The following CC2D2B variants were observed in gnomAD, a reference collection of about 807,000 sequenced individuals.
CC2D2B encodes the protein coiled-coil and C2 domain containing 2B.
CC2D2B carries 128 observed loss-of-function variants against 161.2 expected under a neutral mutation model. The ratio of observed to expected loss-of-function variants is 0.79; its 90% confidence interval spans 0.69 to 0.92. CC2D2B has a LOEUF of 0.92. CC2D2B is among the 40% of genes least tolerant of loss of function. The pLI is 0.00. For missense variants in CC2D2B, 1,173 were observed against 1,375.1 expected (o/e 0.85, Z 2.32); for synonymous variants, 391 against 449.8 (o/e 0.87, Z 1.65).
chr10:95,937,615 GGGAAAAAAA>G (rs1372288759), intron 6 of CC2D2B, among the ~76,000 whole-genome samples: 4 of 151,326 alleles, frequency 2.6e-5, no homozygotes, highest in Admixed American at 6.6e-5. Flanking sequence ...CTGAATGATG[GGGAAAAAAA>G]GGATTTAGGG....
At position 96,019,249 on chromosome 10, in the gene CC2D2B, T is replaced by C; in HGVS notation, c.3677T>C (p.Leu1226Pro). 1 of 1,613,068 alleles carries C rather than the reference T, an allele frequency of 6.2e-7. No homozygotes were observed. Among genetic ancestry groups the C allele is most frequent in the East Asian group, 2.2e-5 (1 of 44,860 alleles). ...ACTCAAGAAACTAATGAATATTTGC[T>C]TTGGAATCCATCAACTGGCCAATGT... ...VVTQETNEYL[L>P]WNPSTGQCYK... The change falls in exon 31 of 35, where the codon CTT (leucine) becomes CCT (proline). Residue 1226 changes from leucine to proline, a missense_variant. Leu to Pro is a moderately conservative substitution (Grantham distance 98). This residue lies in a region of CC2D2B where 598 missense variants were observed against 693.2 expected (regional missense o/e 0.86). Transcript: ENST00000646931.
chr10:96,031,682 A>T, intron 34 of CC2D2B, 138 bp from the exon 35 acceptor site: 1 of 738,698 alleles, frequency 1.4e-6, no homozygotes. Context: ...CCTAGAACAT[A>T]ATTTGGCACC....
At chr10:95,921,930 G>A in intron 2 of CC2D2B, 86 bp from the exon 3 acceptor site, 4 of 732,974 alleles carry the variant, frequency 5.5e-6, no homozygotes, top group Non-Finnish European at 8.8e-6. Flanking sequence ...ATGTACCCTA[G>A]GACTTAAAGT....
intron 34 of CC2D2B, among the ~76,000 whole-genome samples, chr10:96,029,280 A>C (rs1328020723): frequency 3.9e-5 from 2 of 50,944 alleles, no homozygotes; most frequent in Non-Finnish European, 3.9e-5. Context: ...ATATATATAT[A>C]TATATGTATA....
Position 96,033,121 on chromosome 10 carries a change from A to G in CC2D2B, c.*1113A>G, listed in dbSNP as rs1183639253. On this transcript the variant is annotated 3_prime_UTR_variant, in exon 35 of 35. Coordinates refer to ENST00000646931, the MANE Select transcript of CC2D2B (RefSeq NM_001349008.3). ...CAGAGCAGTTTTGTATGAGGTAAAG[A>G]TAAAAGAACATTCACCTCTCCCATT... Among the ~76,000 whole-genome samples, 2 of 152,208 alleles carry G rather than the reference A, an allele frequency of 1.3e-5. No homozygotes were observed. The highest frequency in any genetic ancestry group is 3.8e-4 in the East Asian group (2 of 5,196).
intron 17 of CC2D2B, among the ~76,000 whole-genome samples, chr10:95,978,818 T>C (rs2077407719): frequency 6.6e-6 from 1 of 152,218 alleles, no homozygotes; most frequent in African/African-American, 2.4e-5. Context: ...GTTTATTTGA[T>C]TTTTATGTTA....
At chr10:95,966,074 T>C (rs2076930057) in intron 13 of CC2D2B, 76 bp downstream of exon 13, 2 of 746,482 alleles carry the variant, frequency 2.7e-6, no homozygotes, top group Non-Finnish European at 3.7e-6. Flanking sequence ...GAAATCTTGG[T>C]ATTTCTAAAA....
At position 95,937,499 on chromosome 10, in the gene CC2D2B, T is replaced by C. The variant is rs971451206; in HGVS notation, c.337-492T>C. On this transcript the variant is annotated intron_variant, in intron 6 of 34. Transcript: ENST00000646931. ...TTTCACTATAATCACTCTACTAGAC[T>C]TCTATGCTGAATCTTTACTTTTCTT... is the stretch of plus-strand genomic sequence containing the variant. 4.6e-5 allele frequency among the ~76,000 whole-genome samples: 7 copies of C among 152,000 alleles called. No homozygotes were observed. The East Asian group carries it at 1.3e-3, about 29-fold the overall frequency.
intron 24 of CC2D2B, among the ~76,000 whole-genome samples, chr10:96,001,460 C>T (rs1197661387): frequency 6.6e-6 from 1 of 151,926 alleles, no homozygotes; most frequent in Non-Finnish European, 1.5e-5. Flanking sequence ...TATCTGAAGC[C>T]TATGTTAATA....
intron 11 of CC2D2B, among the ~76,000 whole-genome samples, chr10:95,958,676 A>C (rs1419186784): frequency 6.6e-6 from 1 of 152,124 alleles, no homozygotes; most frequent in African/African-American, 2.4e-5. Context: ...GATCTTGTAG[A>C]TAGGACAATG....
intron 29 of CC2D2B, among the ~76,000 whole-genome samples, chr10:96,015,231 A>ATTTTTTTTTTTTTTTT (rs58739011): frequency 4.5e-5 from 5 of 111,330 alleles, no homozygotes; most frequent in Non-Finnish European, 6.9e-5. Context: ...GGCCCAGCTA[A>ATTTTTTTTTTTTTTTT]TTTTTTTTTT....
chr10:95,955,459 A>G lies in CC2D2B; in HGVS notation c.1077A>G (p.Arg359=). The G allele has an allele frequency of 5.0e-6, 2 of 398,444 alleles. No individual in the cohort carries two copies. The highest frequency in any genetic ancestry group is 2.1e-5 in the African/African-American group (1 of 48,714). 24.7% of individuals were successfully genotyped at this position (398,444 alleles called of 1,614,324 possible). A position where few individuals can be genotyped will look rare whatever the true frequency, so the allele number is the denominator to read the frequency against. The part of the protein sequence containing the change: ...NENSEINQLT[R]KSLQDYYWQI... ...ATTCAGAAATTAACCAGCTGACCAG[A>G]AAATCTTTACAAGATTATTATTGGC... Residue 359 remains arginine, a synonymous_variant, in exon 11 of 35, where the codon AGA becomes AGG. Transcript: ENST00000646931.
chr10:95,934,046 G>T (rs1262581935), intron 6 of CC2D2B, among the ~76,000 whole-genome samples: 5 of 152,182 alleles, frequency 3.3e-5, no homozygotes, highest in African/African-American at 4.8e-5. Flanking sequence ...TCCTGACTGG[G>T]GCTACTGCCT....
chr10:95,938,950 A>G, intron 9 of CC2D2B, 25 bp downstream of exon 9: 1 of 664,760 alleles, frequency 1.5e-6, no homozygotes, highest in Non-Finnish European at 2.7e-6. Context: ...TTTATTTGTA[A>G]TTATGGTTAA....
chr10:95,953,208 T>C (rs541937002), intron 10 of CC2D2B, among the ~76,000 whole-genome samples: 3 of 152,274 alleles, frequency 2.0e-5, no homozygotes. Context: ...TTGGCAAACA[T>C]TTTAAATTTA....
intron 6 of CC2D2B, among the ~76,000 whole-genome samples, chr10:95,933,080 T>C (rs2075670839): frequency 6.6e-6 from 1 of 152,108 alleles, no homozygotes; most frequent in Non-Finnish European, 1.5e-5. Flanking sequence ...TGTTCATTTC[T>C]TTTCATTCTT....
At chr10:95,981,160 A>G (rs1424616913) in intron 17 of CC2D2B, among the ~76,000 whole-genome samples, 1 of 152,130 alleles carries the variant, frequency 6.6e-6, no homozygotes, top group Non-Finnish European at 1.5e-5. Context: ...TTGGGAGGCC[A>G]AGGGGGGCGG....
At chr10:95,922,412 C>T (rs190503542) in intron 3 of CC2D2B, among the ~76,000 whole-genome samples, 37 of 152,248 alleles carry the variant, frequency 2.4e-4, no homozygotes, top group African/African-American at 7.9e-4. Flanking sequence ...AATGGTTGAG[C>T]TCTGGTTCAT....
intron 1 of CC2D2B, among the ~76,000 whole-genome samples, chr10:95,911,093 C>A (rs901634781): frequency 1.3e-5 from 2 of 152,090 alleles, no homozygotes; most frequent in Non-Finnish European, 2.9e-5. Context: ...CTCTTACTTC[C>A]TTCTTTTGCA....
Sources: allele counts gnomAD v4.1 joint callset (sites outside exome capture counted in the v4.1 genomes callset), GRCh38; gene constraint gnomAD v4.1.1; regional missense constraint gnomAD v4.1.1; transcripts MANE v1.5; gene names NCBI Gene and HGNC (gene_info 2026-07-23, HGNC 2026-07-21).